NACC2: variants seen among roughly 807,000 people sequenced by gnomAD.
NACC2 encodes the protein NACC family member 2, also known as nucleus accumbens-associated protein 2.
A neutral mutation model predicts 25.1 loss-of-function variants in NACC2; 8 were observed. The observed-to-expected ratio is 0.32, with a 90% CI of 0.19 to 0.57. NACC2 has a LOEUF of 0.57. Ranked by LOEUF, NACC2 falls within the 20% of genes least tolerant of loss-of-function variation. NACC2 has a pLI of 0.89. For synonymous variants in NACC2, 435 were observed against 294.7 expected (o/e 1.48, Z -4.88); for missense variants, 644 against 650.2 (o/e 0.99, Z 0.10).
intron 1 of NACC2, among the ~76,000 whole-genome samples, chr9:136,092,499 A>G (rs1009422157): frequency 2.6e-5 from 4 of 152,290 alleles, no homozygotes; most frequent in Admixed American, 2.0e-4. Context: ...ACGGCCTCAC[A>G]CCACAGGGCT....
At chr9:136,021,459 A>C (rs959216207) in intron 2 of NACC2, among the ~76,000 whole-genome samples, 2 of 152,150 alleles carry the variant, frequency 1.3e-5, no homozygotes, top group African/African-American at 4.8e-5. Flanking sequence ...TGACACCCCC[A>C]AGTGCTGGCG....
At chr9:136,078,210 A>C in intron 1 of NACC2, among the ~76,000 whole-genome samples, 1 of 152,136 alleles carries the variant, frequency 6.6e-6, no homozygotes, top group East Asian at 1.9e-4. Flanking sequence ...GTGCATACCC[A>C]CCACCTGGCA....
intron 2 of NACC2, among the ~76,000 whole-genome samples, chr9:136,044,399 C>T (rs1467302044): frequency 4.6e-5 from 7 of 152,140 alleles, no homozygotes; most frequent in Middle Eastern, 3.2e-3. Flanking sequence ...ACTGTGGTCT[C>T]GGCTCCTCGG....
chr9:136,011,872 T>C lies in NACC2; in HGVS notation c.1408A>G (p.Met470Val), dbSNP rs981041104. 5.1e-6 allele frequency: 8 copies of C among 1,568,140 alleles called. No homozygotes were observed. The highest frequency in any genetic ancestry group is 1.7e-4 in the Middle Eastern group (1 of 6,036). The change falls in exon 6 of 6, where the codon ATG becomes GTG. Residue 470 changes from methionine (M) to valine (V), a missense_variant. Coordinates refer to ENST00000277554, the MANE Select transcript of NACC2 (RefSeq NM_144653.5). ...GGCACGCTGGCGGCGGCGGAGCCCATGACCGTGCGGTACATCTCCACGCCC... is the reference window on the plus strand; with the variant it reads ...GGCACGCTGGCGGCGGCGGAGCCCACGACCGTGCGGTACATCTCCACGCCC... Reference protein sequence around the residue: ...PEGVEMYRTVMGSAAASVPLD... With the variant: ...PEGVEMYRTVVGSAAASVPLD...
Position 136,009,153 on chromosome 9 carries a change from A to G in NACC2, c.*2363T>C, listed in dbSNP as rs1229521676. On this transcript the variant is annotated 3_prime_UTR_variant, in exon 6 of 6. Coordinates refer to ENST00000277554, the MANE Select transcript of NACC2 (RefSeq NM_144653.5). ...CCAGGCCCCCAGGGATGGTCAAATT[A>G]AAGTGCAAATTTGGGTGTGGGGCAG... 6.6e-6 allele frequency: 1 copy of G among 152,236 alleles called. No homozygotes were observed. Among genetic ancestry groups the G allele is most frequent in the Non-Finnish European group, 1.5e-5 (1 of 68,096 alleles). 9.4% of individuals were successfully genotyped at this position (152,236 alleles called of 1,614,324 possible).
At chr9:136,091,033 G>A (rs1354388220) in intron 1 of NACC2, among the ~76,000 whole-genome samples, 2 of 152,188 alleles carry the variant, frequency 1.3e-5, no homozygotes, top group Non-Finnish European at 2.9e-5. Context: ...GCCCCGCACT[G>A]GGGGAGGGGA....
chr9:136,029,019 A>G (rs1401988457), intron 2 of NACC2, among the ~76,000 whole-genome samples: 2 of 152,164 alleles, frequency 1.3e-5, no homozygotes, highest in African/African-American at 4.8e-5. Context: ...AAGCAGGTTA[A>G]TGGTGGCAGG....
At position 136,055,738 on chromosome 9, in the gene NACC2, G is replaced by A. The variant is rs1353160743; in HGVS notation, c.-59-5158C>T. ...CAGCAAATGCACAGCCATTAAACAC[G>A]TGGTAGAGGAAGGAGAGAGGCGGGG... On this transcript the variant is annotated intron_variant, in intron 1 of 5. Transcript: ENST00000277554. The surrounding 1 kb of genome is among the most constrained non-coding windows in gnomAD (Gnocchi z 4.9). 6.6e-6 allele frequency among the ~76,000 whole-genome samples: 1 copy of A among 152,232 alleles called. No individual in the cohort carries two copies. The highest frequency in any genetic ancestry group is 2.1e-4 in the South Asian group (1 of 4,830).
At chr9:136,063,349 G>A (rs1841038068) in intron 1 of NACC2, among the ~76,000 whole-genome samples, 1 of 152,214 alleles carries the variant, frequency 6.6e-6, no homozygotes, top group Non-Finnish European at 1.5e-5. Context: ...TGAGGGGCTC[G>A]AGTCCTGTGC....
Position 136,007,546 on chromosome 9 carries a change from C to CAG in NACC2, c.*3969_*3970insCT, listed in dbSNP as rs745585982. ...AGACGCACAGACGTGCACACACAGACACGCACACACACACAGACACGCGCA... is the reference window on the plus strand; with the variant it reads ...AGACGCACAGACGTGCACACACAGACAGACGCACACACACACAGACACGCGCA... On this transcript the variant is annotated 3_prime_UTR_variant, in exon 6 of 6. Coordinates refer to ENST00000277554, the MANE Select transcript of NACC2 (RefSeq NM_144653.5). 1 of 68,074 alleles carries CAG rather than the reference C, an allele frequency of 1.5e-5. No homozygotes were observed. The highest frequency in any genetic ancestry group is 2.7e-5 in the Non-Finnish European group (1 of 36,574). 4.2% of individuals were successfully genotyped at this position (68,074 alleles called of 1,614,324 possible).
rs926197251 is a variant in NACC2 at position 136,086,327 on chromosome 9, G to A, written c.-60+8862C>T. On this transcript the variant is annotated intron_variant, in intron 1 of 5. Transcript: ENST00000277554. This position sits in a 1 kb window ranked among gnomAD's most constrained non-coding sequence, Gnocchi z 5.6. ...CCACTCAGAGCTGGGAGGGGTTTGG[G>A]GGGTGGGGGTGCCTCTGTTTTCCTG... is the stretch of plus-strand genomic sequence containing the variant. Among the ~76,000 whole-genome samples, 16 of 152,178 alleles carry A rather than the reference G, an allele frequency of 1.1e-4. No homozygotes were observed. The highest frequency in any genetic ancestry group is 3.9e-4 in the African/African-American group (16 of 41,446).
At chr9:136,083,298 C>T (rs1272592618) in intron 1 of NACC2, among the ~76,000 whole-genome samples, 11 of 152,156 alleles carry the variant, frequency 7.2e-5, no homozygotes, top group African/African-American at 2.2e-4. Context: ...CCTAGGCACG[C>T]GGAGGTCATC....
In NACC2 at chr9:136,036,312, G is replaced by A. The variant is rs906852679; in HGVS notation, c.886+13324C>T. On this transcript the variant is annotated intron_variant, in intron 2 of 5. Transcript: ENST00000277554. ...AGAGAATCAAGGACGGCAACTTGGA[G>A]ATGCTCAACAATGTAACAATTACAA... 1.6e-4 allele frequency among the ~76,000 whole-genome samples: 24 copies of A among 152,260 alleles called. No homozygotes were observed. The East Asian group carries it at 2.1e-3, about 13-fold the overall frequency.
At chr9:136,089,835 A>T (rs1366183119) in intron 1 of NACC2, among the ~76,000 whole-genome samples, 7 of 152,038 alleles carry the variant, frequency 4.6e-5, no homozygotes, top group South Asian at 4.2e-4. Context: ...AGCAGGGGTC[A>T]GTGTGGAATA....
chr9:136,041,410 A>G (rs1302134831), intron 2 of NACC2, among the ~76,000 whole-genome samples: 5 of 151,526 alleles, frequency 3.3e-5, no homozygotes, highest in Admixed American at 3.3e-4. Context: ...AGAGTGAGAC[A>G]TGATCTGAGA....
intron 1 of NACC2, among the ~76,000 whole-genome samples, chr9:136,075,618 T>C (rs570077588): frequency 6.6e-6 from 1 of 152,226 alleles, no homozygotes; most frequent in South Asian, 2.1e-4. Context: ...TCGCAGGTCC[T>C]GCGGGAGCAG....
Position 136,059,168 on chromosome 9 carries a change from G to A in NACC2, c.-59-8588C>T, listed in dbSNP as rs79358346. Among the ~76,000 whole-genome samples the A allele has an allele frequency of 9.8e-3, 1,499 of 152,308 alleles. 24 individuals are homozygous for A. The highest frequency in any genetic ancestry group is 0.034 in the African/African-American group (1,421 of 41,560). On this transcript the variant is annotated intron_variant, in intron 1 of 5. Coordinates refer to ENST00000277554, the MANE Select transcript of NACC2 (RefSeq NM_144653.5). ...AGATGAAGCTTTAGCTGGGACATCTGGGGGCAAAACTGCCACCCAGTGAGC... is the reference window on the plus strand; with the variant it reads ...AGATGAAGCTTTAGCTGGGACATCTAGGGGCAAAACTGCCACCCAGTGAGC...
At chr9:136,012,542 G>C (rs1011345969) in intron 5 of NACC2, among the ~76,000 whole-genome samples, 9 of 152,226 alleles carry the variant, frequency 5.9e-5, no homozygotes, top group Admixed American at 5.2e-4. Flanking sequence ...CGTCCACCTC[G>C]GTCCCTCCCA....
At chr9:136,015,555 G>A (rs994559497) in intron 3 of NACC2, among the ~76,000 whole-genome samples, 1 of 152,202 alleles carries the variant, frequency 6.6e-6, no homozygotes, top group Non-Finnish European at 1.5e-5. Flanking sequence ...ACCCCGAGAC[G>A]CTGCCCAAGG....
Sources: allele counts gnomAD v4.1 joint callset (sites outside exome capture counted in the v4.1 genomes callset), GRCh38; gene constraint gnomAD v4.1.1; non-coding constraint Gnocchi (gnomAD v3.1); transcripts MANE v1.5; gene names NCBI Gene and HGNC (gene_info 2026-07-23, HGNC 2026-07-21).